The following RBP7 variants were observed in gnomAD, a reference collection of about 807,000 sequenced individuals.
RBP7 encodes the protein retinoid-binding protein 7.
RBP7 carries 13 observed loss-of-function variants against 16.7 expected under a neutral mutation model. That is an observed-to-expected ratio of 0.78 (90% confidence interval 0.51 to 1.24). The LOEUF is 1.24. Ranked by LOEUF, RBP7 falls within the 50% of genes most tolerant of loss-of-function variation. The pLI is 0.00. For missense variants in RBP7, 145 were observed against 159.5 expected, an observed-to-expected ratio of 0.91 and a Z score of 0.49; for synonymous variants, 54 against 56.2, an observed-to-expected ratio of 0.96 and a Z score of 0.17.
At chr1:10,007,160 G>A (rs1276573903) in intron 1 of RBP7, 1 of 308,836 alleles carries the variant, frequency 3.2e-6, no homozygotes, top group Non-Finnish European at 6.3e-6. Context: ...TGATCAGGCT[G>A]GTCTCAAACT....
intron 1 of RBP7, among the ~76,000 whole-genome samples, chr1:10,000,456 C>T (rs1327122918): frequency 2.0e-5 from 3 of 151,752 alleles, no homozygotes; most frequent in Non-Finnish European, 4.4e-5. Context: ...ATCGCTTGAA[C>T]CTGAGAGGTG....
At chr1:9,998,348 C>T (rs1024764826) in intron 1 of RBP7, among the ~76,000 whole-genome samples, 2 of 151,890 alleles carry the variant, frequency 1.3e-5, no homozygotes, top group African/African-American at 4.8e-5. Context: ...GCCGGCCAAT[C>T]CCTGAACCCT....
At chr1:10,015,168 G>T (rs558001374) in intron 3 of RBP7, among the ~76,000 whole-genome samples, 1 of 151,982 alleles carries the variant, frequency 6.6e-6, no homozygotes, top group African/African-American at 2.4e-5. Context: ...GGGGTCAGGC[G>T]CAGTAGCTCA....
chr1:10,008,717 G>T (rs2101737227), intron 3 of RBP7, among the ~76,000 whole-genome samples: 1 of 151,694 alleles, frequency 6.6e-6, no homozygotes, highest in South Asian at 2.1e-4. Context: ...GGGATTACAG[G>T]CATGAGCCAC....
chr1:10,006,823 C>T, intron 1 of RBP7: 3 of 310,332 alleles, frequency 9.7e-6, no homozygotes, highest in South Asian at 2.4e-5. Context: ...GTTTTGTTTT[C>T]ATTCTTGTTG....
Position 10,015,870 on chromosome 1 carries a change from T to G in RBP7, c.*38T>G. 6.3e-7 allele frequency: 1 copy of G among 1,596,040 alleles called. No homozygotes were observed. Among genetic ancestry groups the G allele is most frequent in the Non-Finnish European group, 8.6e-7 (1 of 1,163,760 alleles). ...AGCAGAGCCCACTTGTGGCTGCAGC[T>G]TTATGCCAAATTATATTGCAGACTG... On this transcript the variant is annotated 3_prime_UTR_variant, in exon 4 of 4. Coordinates refer to ENST00000294435, the MANE Select transcript of RBP7 (RefSeq NM_052960.3).
At chr1:10,003,108 ACCCCTTC>A (rs1473805791) in intron 1 of RBP7, among the ~76,000 whole-genome samples, 1 of 152,038 alleles carries the variant, frequency 6.6e-6, no homozygotes, top group African/African-American at 2.4e-5. Context: ...AAAAGTTACT[ACCCCTTC>A]CCTAGAAATG....
rs1642193397 is a variant in RBP7 at position 9,997,404 on chromosome 1, C to T, written c.73+73C>T. ...CGGGATCAGGCGAAGGCGGCCGGGC[C>T]GGGCCTGTAGGTACGTCCTCTGTCC... On this transcript the variant is annotated intron_variant, in intron 1 of 3. Transcript: ENST00000294435. This position sits in a 1 kb window ranked among gnomAD's most constrained non-coding sequence, Gnocchi z 5.9. 2.7e-6 allele frequency: 4 copies of T among 1,468,664 alleles called. No homozygotes were observed. Among genetic ancestry groups the T allele is most frequent in the Admixed American group, 3.5e-5 (2 of 57,608 alleles). The allele number at this position is 1,468,664 out of a possible 1,614,324, so 91.0% of individuals were successfully genotyped here. A position where few individuals can be genotyped will look rare whatever the true frequency, so the allele number is the denominator to read the frequency against.
intron 3 of RBP7, among the ~76,000 whole-genome samples, chr1:10,014,307 G>A (rs184704529): frequency 4.6e-5 from 7 of 152,252 alleles, no homozygotes; most frequent in Admixed American, 4.6e-4. Flanking sequence ...GGTGCTGGGA[G>A]GGCTGTGTGC....
At chr1:10,001,074 G>A (rs1255833103) in intron 1 of RBP7, among the ~76,000 whole-genome samples, 2 of 152,148 alleles carry the variant, frequency 1.3e-5, no homozygotes, top group African/African-American at 4.8e-5. Context: ...GTAAATGCCT[G>A]TTGGCAGTGA....
intron 3 of RBP7, among the ~76,000 whole-genome samples, chr1:10,012,235 TA>T (rs1235760438): frequency 7.4e-6 from 1 of 135,776 alleles, no homozygotes; most frequent in African/African-American, 2.7e-5. Flanking sequence ...AAAAAAAAAT[TA>T]GCCGGGCTGT....
At chr1:10,004,946 T>C (rs1642399212) in intron 1 of RBP7, among the ~76,000 whole-genome samples, 1 of 152,016 alleles carries the variant, frequency 6.6e-6, no homozygotes, top group South Asian at 2.1e-4. Context: ...TGAGCCGAGA[T>C]TGCACCACTG....
intron 1 of RBP7, among the ~76,000 whole-genome samples, chr1:10,004,865 T>G (rs868380565): frequency 1.3e-5 from 2 of 152,120 alleles, no homozygotes; most frequent in African/African-American, 4.8e-5. Context: ...TGGTGGCACA[T>G]GCCTGTAGCC....
intron 3 of RBP7, among the ~76,000 whole-genome samples, chr1:10,014,494 T>C (rs979114759): frequency 4.6e-5 from 7 of 151,906 alleles, no homozygotes; most frequent in Admixed American, 3.9e-4. Flanking sequence ...CAAGCAATTC[T>C]CCTGTCTCAA....
chr1:10,013,264 G>C (rs1379504231), intron 3 of RBP7, among the ~76,000 whole-genome samples: 1 of 151,838 alleles, frequency 6.6e-6, no homozygotes, highest in Non-Finnish European at 1.5e-5. Flanking sequence ...GTACAGACAG[G>C]GTTTCACCAT....
chr1:10,015,027 T>C (rs1038361867), intron 3 of RBP7, among the ~76,000 whole-genome samples: 1 of 152,142 alleles, frequency 6.6e-6, no homozygotes, highest in African/African-American at 2.4e-5. Flanking sequence ...GTCAGGCGTT[T>C]AAAAACCCAC....
In RBP7 at chr1:10,015,764, T is replaced by C; in HGVS notation, c.355-18T>C. The C allele has an allele frequency of 1.2e-6, 2 of 1,612,336 alleles. No individual in the cohort carries two copies. Among genetic ancestry groups the C allele is most frequent in the East Asian group, 4.5e-5 (2 of 44,878 alleles). ...ATGCAAACTGATCCTTCTTTTTCCCTTCCTCCTTACGCCCTAGGAAATGTT... is the reference window on the plus strand; with the variant it reads ...ATGCAAACTGATCCTTCTTTTTCCCCTCCTCCTTACGCCCTAGGAAATGTT... On this transcript the variant is annotated intron_variant, in intron 3 of 3. Transcript: ENST00000294435.
chr1:10,008,538 C>G (rs1642513196), intron 3 of RBP7, among the ~76,000 whole-genome samples: 1 of 150,638 alleles, frequency 6.6e-6, no homozygotes, highest in South Asian at 2.1e-4. Context: ...CCTCCTGGGT[C>G]CAAGCGATTC....
intron 1 of RBP7, among the ~76,000 whole-genome samples, chr1:10,005,508 A>T (rs1380962611): frequency 1.3e-5 from 2 of 150,364 alleles, no homozygotes; most frequent in Non-Finnish European, 3.0e-5. Flanking sequence ...GGCTACAAAA[A>T]TTTTTTCTTA....
Sources: allele counts gnomAD v4.1 joint callset (sites outside exome capture counted in the v4.1 genomes callset), GRCh38; gene constraint gnomAD v4.1.1; non-coding constraint Gnocchi (gnomAD v3.1); transcripts MANE v1.5; gene names NCBI Gene and HGNC (gene_info 2026-07-23, HGNC 2026-07-21).